CEP128: variants seen among roughly 807,000 people sequenced by gnomAD.
The protein encoded by CEP128 is centrosomal protein 128kDa.
Under a neutral mutation model 156.7 loss-of-function variants are expected in CEP128, and 132 were observed. The observed-to-expected ratio is 0.84, with a 90% CI of 0.73 to 0.97. The LOEUF is 0.97. Among genes scored for constraint, CEP128 ranks in the 50% least tolerant of loss-of-function variants. CEP128 has a pLI of 0.00. For synonymous variants in CEP128, 469 were observed against 448.9 expected, an observed-to-expected ratio of 1.04 and a Z score of -0.57; for missense variants, 1,252 against 1,281.9, an observed-to-expected ratio of 0.98 and a Z score of 0.36.
rs1321163679 is a variant in CEP128 at position 80,649,827 on chromosome 14, T to C, written c.2807-69404A>G. On this transcript the variant is annotated intron_variant, in intron 19 of 24. Coordinates refer to ENST00000555265, the MANE Select transcript of CEP128 (RefSeq NM_152446.5). ...TGTTTTGGTTACTGTAGCCTTATAG[T>C]ATAGTTTGAAGTCAGGTAGCGTGGT... Among the ~76,000 whole-genome samples, 6 of 152,282 alleles carry C rather than the reference T, an allele frequency of 3.9e-5. No individual in the cohort carries two copies. In the South Asian group the frequency reaches 1.0e-3, roughly 26 times the overall value.
downstream of CEP128, among the ~76,000 whole-genome samples, chr14:80,487,214 G>C (rs568517184): frequency 4.6e-4 from 70 of 151,980 alleles, no homozygotes; most frequent in African/African-American, 1.6e-3. Flanking sequence ...AAAAAAGGCA[G>C]GGGTTGCAAT....
intron 19 of CEP128, among the ~76,000 whole-genome samples, chr14:80,698,671 T>C (rs571876814): frequency 2.0e-5 from 3 of 152,276 alleles, no homozygotes; most frequent in South Asian, 2.1e-4. Context: ...GTTTTCCTAA[T>C]GCATGTCTGT....
intron 19 of CEP128, among the ~76,000 whole-genome samples, chr14:80,721,651 CTTGTT>C (rs759321823): frequency 6.6e-6 from 1 of 151,908 alleles, no homozygotes. Flanking sequence ...TCATGTTTGT[CTTGTT>C]ATGTTTCTTT....
intron 7 of CEP128, among the ~76,000 whole-genome samples, chr14:80,897,783 A>AT (rs145970053): frequency 6.0e-5 from 9 of 151,198 alleles, no homozygotes; most frequent in African/African-American, 1.9e-4. Context: ...CCTCAAATCA[A>AT]TTTTTTTTTC....
rs545037025 is a variant in CEP128 at position 80,584,685 on chromosome 14, C to G, written c.2807-4262G>C. ...CCACTCTATGCAAACAGACAAAACA[C>G]AAGAGAATATAGGTGAGACCCCTAG... is the stretch of plus-strand genomic sequence containing the variant. On this transcript the variant is annotated intron_variant, in intron 19 of 24. Transcript: ENST00000555265. Among the ~76,000 whole-genome samples the G allele has an allele frequency of 4.6e-5, 7 of 152,212 alleles. No individual in the cohort carries two copies. The South Asian group carries it at 1.5e-3, about 32-fold the overall frequency.
intron 19 of CEP128, among the ~76,000 whole-genome samples, chr14:80,729,804 C>CTTCTCCTT (rs1434807992): frequency 6.6e-5 from 10 of 152,140 alleles, no homozygotes; most frequent in African/African-American, 2.4e-4. Context: ...ATTACATTTA[C>CTTCTCCTT]TTCTCCTTTC....
chr14:80,574,638 T>A (rs573012607), intron 20 of CEP128, among the ~76,000 whole-genome samples: 1 of 152,180 alleles, frequency 6.6e-6, no homozygotes, highest in Non-Finnish European at 1.5e-5. Flanking sequence ...CTTTATATTA[T>A]AACACCCTAA....
At position 80,805,131 on chromosome 14, in the gene CEP128, C is replaced by G. The variant is rs1003824746; in HGVS notation, c.1210-12021G>C. Among the ~76,000 whole-genome samples the G allele has an allele frequency of 2.6e-5, 4 of 151,840 alleles. No homozygotes were observed. The South Asian group carries it at 8.3e-4, about 32-fold the overall frequency. ...TCTCTTGAGGTTTTGGGATAAACCTCAAGGTTTATCCCAAACCTTGATAAC... is the reference window on the plus strand; with the variant it reads ...TCTCTTGAGGTTTTGGGATAAACCTGAAGGTTTATCCCAAACCTTGATAAC... On this transcript the variant is annotated intron_variant, in intron 13 of 24. Coordinates refer to ENST00000555265, the MANE Select transcript of CEP128 (RefSeq NM_152446.5).
intron 23 of CEP128, among the ~76,000 whole-genome samples, chr14:80,518,174 C>T (rs1176863290): frequency 1.3e-5 from 2 of 149,976 alleles, no homozygotes; most frequent in East Asian, 2.0e-4. Flanking sequence ...TCCCTCTGTG[C>T]TCTCAGGTGA....
At chr14:80,935,097 C>A (rs752669623) in intron 2 of CEP128, among the ~76,000 whole-genome samples, 1 of 152,080 alleles carries the variant, frequency 6.6e-6, no homozygotes, top group African/African-American at 2.4e-5. Context: ...CAAATCCAGG[C>A]AAGAAGACTA....
intron 19 of CEP128, among the ~76,000 whole-genome samples, chr14:80,679,940 G>C (rs1182479927): frequency 6.6e-6 from 1 of 152,150 alleles, no homozygotes; most frequent in Non-Finnish European, 1.5e-5. Context: ...CCGACACTTA[G>C]GGAAAATAGA....
At chr14:80,514,297 T>C (rs1021378433) in intron 23 of CEP128, among the ~76,000 whole-genome samples, 1 of 152,186 alleles carries the variant, frequency 6.6e-6, no homozygotes, top group Admixed American at 6.5e-5. Flanking sequence ...GGCTGTGTCA[T>C]GGGCCACAGC....
intron 19 of CEP128, among the ~76,000 whole-genome samples, chr14:80,655,370 G>A (rs1895087533): frequency 6.6e-6 from 1 of 152,038 alleles, no homozygotes; most frequent in South Asian, 2.1e-4. Flanking sequence ...GTCTTTTATG[G>A]TAATGTGCAG....
chr14:80,606,645 CTTTG>C (rs975946841), intron 19 of CEP128, among the ~76,000 whole-genome samples: 3 of 152,082 alleles, frequency 2.0e-5, no homozygotes, highest in African/African-American at 7.2e-5. Flanking sequence ...AAAATGTTAT[CTTTG>C]TTTGGGAAAC....
chr14:80,499,897 G>A (rs1376579886), intron 24 of CEP128, among the ~76,000 whole-genome samples: 2 of 152,166 alleles, frequency 1.3e-5, no homozygotes, highest in Non-Finnish European at 2.9e-5. Flanking sequence ...CTGTCTACAG[G>A]CTGAAGGTAA....
Position 80,775,646 on chromosome 14 carries a change from C to G in CEP128, c.2376+2236G>C, listed in dbSNP as rs553731804. 3.9e-5 allele frequency among the ~76,000 whole-genome samples: 6 copies of G among 152,312 alleles called. 1 individual carries two copies. The highest frequency in any genetic ancestry group is 1.4e-4 in the African/African-American group (6 of 41,576). The stretch of plus-strand genomic sequence containing the variant: ...CCAACAACAAACATGTATCTTATCT[C>G]TGTCCTATCCTCAACATCCAGCACA... On this transcript the variant is annotated intron_variant, in intron 16 of 24. Transcript: ENST00000555265.
intron 2 of CEP128, among the ~76,000 whole-genome samples, chr14:80,930,545 TA>T (rs1003479719): frequency 1.3e-5 from 2 of 152,084 alleles, no homozygotes; most frequent in African/African-American, 4.8e-5. Flanking sequence ...AAACTCCATT[TA>T]AAAAAATTAC....
intron 15 of CEP128, among the ~76,000 whole-genome samples, chr14:80,781,469 A>AC (rs1901111284): frequency 2.0e-5 from 3 of 151,844 alleles, no homozygotes; most frequent in Admixed American, 6.6e-5. Flanking sequence ...AAAAAAAAAA[A>AC]AAAAAAGTAA....
At chr14:80,912,410 C>T (rs17615020) in intron 4 of CEP128, among the ~76,000 whole-genome samples, 74,012 of 151,856 alleles carry the variant, frequency 0.49, 18,453 homozygotes, top group South Asian at 0.56. Context: ...CAAAGGAAAT[C>T]TGCTACCCTA....
Sources: allele counts gnomAD v4.1 joint callset (sites outside exome capture counted in the v4.1 genomes callset), GRCh38; gene constraint gnomAD v4.1.1; transcripts MANE v1.5; gene names NCBI Gene and HGNC (gene_info 2026-07-23, HGNC 2026-07-21).